Variants in CSMD1 observed in about 807,000 individuals in gnomAD.
The protein encoded by CSMD1 is CUB and Sushi multiple domains 1, also known as CUB and sushi domain-containing protein 1.
A neutral mutation model predicts 417.5 loss-of-function variants in CSMD1; 213 were observed. The ratio of observed to expected loss-of-function variants is 0.51; its 90% CI spans 0.46 to 0.57. The LOEUF is 0.57. Among genes scored for constraint, CSMD1 ranks in the 20% least tolerant of loss-of-function variants. The probability of loss-of-function intolerance (pLI) is 0.00; values close to 1 mark genes in which losing one functional copy is unlikely to be tolerated. For missense variants in CSMD1, 6,923 were observed against 4,529.7 expected (o/e 1.53, Z -15.17); for synonymous variants, 2,862 against 1,736.8 (o/e 1.65, Z -16.11).
intron 3 of CSMD1, among the ~76,000 whole-genome samples, chr8:4,097,585 A>G (rs1369988691): frequency 6.6e-6 from 1 of 152,226 alleles, no homozygotes; most frequent in Non-Finnish European, 1.5e-5. Flanking sequence ...GATTCTAGTA[A>G]CACCCAGATT....
At chr8:3,766,920 G>C (rs557027528) in intron 5 of CSMD1, among the ~76,000 whole-genome samples, 91 of 152,202 alleles carry the variant, frequency 6.0e-4, no homozygotes, top group Non-Finnish European at 8.5e-4. Flanking sequence ...CAGCTGGTAA[G>C]ATATCCAACG....
chr8:4,018,479 G>A (rs1261239177), intron 4 of CSMD1, among the ~76,000 whole-genome samples: 1 of 152,148 alleles, frequency 6.6e-6, no homozygotes, highest in Middle Eastern at 3.2e-3. Context: ...CTTTGCACAA[G>A]GAGCAGGTGG....
chr8:4,153,950 T>G (rs117282334), intron 3 of CSMD1, among the ~76,000 whole-genome samples: 1 of 152,368 alleles, frequency 6.6e-6, no homozygotes, highest in East Asian at 1.9e-4. Flanking sequence ...TTCAAGTGTT[T>G]TCTGCATTAC....
At chr8:4,258,370 G>A (rs1332016615) in intron 3 of CSMD1, among the ~76,000 whole-genome samples, 2 of 17,024 alleles carry the variant, frequency 1.2e-4, no homozygotes, top group Non-Finnish European at 2.4e-4. Flanking sequence ...AGGGAAGGAG[G>A]GAGGGAAGGA....
At chr8:4,713,689 T>C (rs1015376416) in intron 1 of CSMD1, among the ~76,000 whole-genome samples, 1 of 152,172 alleles carries the variant, frequency 6.6e-6, no homozygotes, top group Non-Finnish European at 1.5e-5. Context: ...GAGCTCCAGC[T>C]GCTCGCCACT....
intron 3 of CSMD1, among the ~76,000 whole-genome samples, chr8:4,213,099 C>T (rs1585033914): frequency 6.6e-6 from 1 of 152,140 alleles, no homozygotes; most frequent in Non-Finnish European, 1.5e-5. Flanking sequence ...ATAGATGCTT[C>T]ACCCAGTGGA....
chr8:4,403,433 C>G (rs1008653185), intron 3 of CSMD1, among the ~76,000 whole-genome samples: 3 of 152,100 alleles, frequency 2.0e-5, no homozygotes, highest in Non-Finnish European at 4.4e-5. Flanking sequence ...TCACACCTGC[C>G]ATTCGACTCA....
chr8:3,816,804 G>A lies in CSMD1; in HGVS notation c.819-62762C>T, dbSNP rs74579593. ...TTAAAATATGGTATACTGTATATAGGGTTTGGTACTATTTGTGGTTTCAGG... is the reference window on the plus strand; with the variant it reads ...TTAAAATATGGTATACTGTATATAGAGTTTGGTACTATTTGTGGTTTCAGG... On this transcript the variant is annotated intron_variant, in intron 5 of 69. Coordinates refer to ENST00000635120, the MANE Select transcript of CSMD1 (RefSeq NM_033225.6). 2.9e-4 allele frequency among the ~76,000 whole-genome samples: 44 copies of A among 152,002 alleles called. 1 individual carries two copies. In the East Asian group the frequency reaches 8.3e-3, roughly 29 times the overall value.
intron 3 of CSMD1, among the ~76,000 whole-genome samples, chr8:4,197,595 C>T (rs1166114811): frequency 2.0e-5 from 3 of 152,136 alleles, no homozygotes; most frequent in African/African-American, 7.2e-5. Context: ...AAATCATCTT[C>T]CAGCTGGACA....
At chr8:4,513,119 A>G (rs1383919453) in intron 2 of CSMD1, among the ~76,000 whole-genome samples, 2 of 152,200 alleles carry the variant, frequency 1.3e-5, no homozygotes. Context: ...TGACAACAGC[A>G]AGAGTGCGCT....
chr8:4,093,986 A>G (rs202222698), intron 3 of CSMD1, among the ~76,000 whole-genome samples: 4 of 137,012 alleles, frequency 2.9e-5, no homozygotes, highest in East Asian at 7.0e-4. Context: ...AGATAGATAG[A>G]TAGATAGATA....
At chr8:4,075,677 G>A (rs532329918) in intron 3 of CSMD1, among the ~76,000 whole-genome samples, 1 of 152,258 alleles carries the variant, frequency 6.6e-6, no homozygotes, top group South Asian at 2.1e-4. Flanking sequence ...ACGTTTTGGA[G>A]CACTGGATTC....
At chr8:2,983,708 T>C (rs1458254315) in intron 54 of CSMD1, among the ~76,000 whole-genome samples, 1 of 152,158 alleles carries the variant, frequency 6.6e-6, no homozygotes, top group Non-Finnish European at 1.5e-5. Flanking sequence ...ACAAGCACAA[T>C]AGTTTTTAAA....
At chr8:3,265,804 C>T (rs527941601) in intron 26 of CSMD1, among the ~76,000 whole-genome samples, 4 of 152,036 alleles carry the variant, frequency 2.6e-5, no homozygotes, top group African/African-American at 7.2e-5. Flanking sequence ...CCACACAGTC[C>T]TTCAGACTAG....
chr8:3,885,863 T>C (rs1311126819), intron 5 of CSMD1, among the ~76,000 whole-genome samples: 1 of 152,160 alleles, frequency 6.6e-6, no homozygotes, highest in Admixed American at 6.5e-5. Context: ...CAAAACAATT[T>C]GCTCTTTTGC....
At chr8:3,397,498 A>G (rs1811773953) in intron 16 of CSMD1, among the ~76,000 whole-genome samples, 2 of 152,194 alleles carry the variant, frequency 1.3e-5, no homozygotes, top group Non-Finnish European at 2.9e-5. Flanking sequence ...TCTTCCATAA[A>G]GAGGAATTTG....
At chr8:3,884,259 C>T (rs1203923865) in intron 5 of CSMD1, among the ~76,000 whole-genome samples, 1 of 152,198 alleles carries the variant, frequency 6.6e-6, no homozygotes, top group African/African-American at 2.4e-5. Flanking sequence ...CAAGTCTAAC[C>T]TGTCTTCAAC....
chr8:3,757,621 G>C lies in CSMD1; in HGVS notation c.819-3579C>G, dbSNP rs186269076. Among the ~76,000 whole-genome samples, 708 of 152,236 alleles carry C rather than the reference G, an allele frequency of 4.7e-3. 5 individuals are homozygous for C. The highest frequency in any genetic ancestry group is 0.017 in the Middle Eastern group (5 of 294). ...CTCACCCCTGTAATCCCAGCACTTT[G>C]GGATGCCAAGGTGGGTGGATCACCT... On this transcript the variant is annotated intron_variant, in intron 5 of 69. Transcript: ENST00000635120.
chr8:4,044,307 A>T (rs1202277907), intron 3 of CSMD1, among the ~76,000 whole-genome samples: 1 of 152,238 alleles, frequency 6.6e-6, no homozygotes, highest in Non-Finnish European at 1.5e-5. Context: ...ATCATCTCTG[A>T]AAATTGATGC....
Sources: allele counts gnomAD v4.1 joint callset (sites outside exome capture counted in the v4.1 genomes callset), GRCh38; gene constraint gnomAD v4.1.1; transcripts MANE v1.5; gene names NCBI Gene and HGNC (gene_info 2026-07-23, HGNC 2026-07-21).